Variants in CREB3L2 observed in about 807,000 individuals in gnomAD.
CREB3L2 encodes the protein cAMP responsive element binding protein 3 like 2, also known as cyclic AMP-responsive element-binding protein 3-like protein 2.
In CREB3L2, 23 loss-of-function variants were observed where a neutral mutation model predicts 57.2. The ratio of observed to expected loss-of-function variants is 0.40; its 90% CI spans 0.29 to 0.57. The LOEUF is 0.57. Among genes scored for constraint, CREB3L2 ranks in the 20% least tolerant of loss-of-function variants. The pLI, the probability that CREB3L2 is intolerant of heterozygous loss-of-function variation, is 0.42. For missense variants in CREB3L2, 628 were observed against 634.7 expected (o/e 0.99, Z 0.11); for synonymous variants, 268 against 265.1 (o/e 1.01, Z -0.11).
intron 8 of CREB3L2, among the ~76,000 whole-genome samples, chr7:137,895,133 C>T (rs273937): frequency 0.56 from 85,723 of 152,138 alleles, 27,067 homozygotes; most frequent in Admixed American, 0.69. Context: ...GAGCCACAAA[C>T]GCCTACAACT....
At chr7:137,939,150 A>C (rs1800840684) in intron 1 of CREB3L2, among the ~76,000 whole-genome samples, 2 of 152,240 alleles carry the variant, frequency 1.3e-5, no homozygotes, top group Admixed American at 1.3e-4. Context: ...AACAGGAATA[A>C]AAATAATGCG....
chr7:137,973,329 G>A (rs1163855109), intron 1 of CREB3L2, among the ~76,000 whole-genome samples: 2 of 152,032 alleles, frequency 1.3e-5, no homozygotes, highest in Non-Finnish European at 2.9e-5. Flanking sequence ...CACTCCTGGT[G>A]AGGGTGTGCT....
intron 6 of CREB3L2, among the ~76,000 whole-genome samples, chr7:137,904,849 A>G (rs75704948): frequency 6.8e-5 from 10 of 147,624 alleles, no homozygotes; most frequent in African/African-American, 1.6e-4. Context: ...AAAAAAAAAA[A>G]AAAGAAAGAA....
At chr7:138,000,166 C>T (rs959226679) in intron 1 of CREB3L2, among the ~76,000 whole-genome samples, 5 of 152,158 alleles carry the variant, frequency 3.3e-5, no homozygotes, top group African/African-American at 1.2e-4. Flanking sequence ...ACTGTCACAG[C>T]GAAAGAATAC....
rs34492803 is a variant in CREB3L2, at chr7:137,882,908, TC to T, written c.1271-281del. ...CCCCACTGCTTTGAAAATATAAAAC[TC>T]CCCCCTTACCACCCATAACCATCTA... On this transcript the variant is annotated intron_variant, in intron 10 of 11. Coordinates refer to ENST00000330387, the MANE Select transcript of CREB3L2 (RefSeq NM_194071.4). Among the ~76,000 whole-genome samples the T allele has an allele frequency of 4.7e-3, 715 of 151,258 alleles. 17 individuals carry two copies. In the East Asian group the frequency reaches 0.069, roughly 15 times the overall value.
intron 7 of CREB3L2, among the ~76,000 whole-genome samples, chr7:137,903,427 C>T (rs1054455222): frequency 6.6e-6 from 1 of 151,980 alleles, no homozygotes; most frequent in Non-Finnish European, 1.5e-5. Context: ...CTTTTTCTAA[C>T]AGCCCGCCTG....
intron 1 of CREB3L2, among the ~76,000 whole-genome samples, chr7:137,943,335 A>G (rs1471854793): frequency 2.6e-5 from 4 of 152,142 alleles, no homozygotes; most frequent in Admixed American, 2.0e-4. Context: ...CTGAGATTCT[A>G]TTGGCAAAGA....
intron 1 of CREB3L2, among the ~76,000 whole-genome samples, chr7:137,971,006 TGGC>T (rs1801496152): frequency 1.3e-5 from 2 of 152,182 alleles, no homozygotes; most frequent in African/African-American, 4.8e-5. Context: ...GCTTGGAGAA[TGGC>T]ATGCTTCCAA....
intron 2 of CREB3L2, among the ~76,000 whole-genome samples, chr7:137,926,908 G>C (rs1167335038): frequency 6.6e-6 from 1 of 152,132 alleles, no homozygotes; most frequent in Non-Finnish European, 1.5e-5. Flanking sequence ...TAGCACTTGG[G>C]GACGCTGTGG....
At chr7:137,910,812 G>C (rs530605023) in intron 4 of CREB3L2, among the ~76,000 whole-genome samples, 1 of 152,154 alleles carries the variant, frequency 6.6e-6, no homozygotes. Flanking sequence ...CTACAGAGCT[G>C]GCCAGAGGCA....
chr7:137,929,632 G>A (rs1344625537), intron 1 of CREB3L2, among the ~76,000 whole-genome samples: 2 of 151,642 alleles, frequency 1.3e-5, no homozygotes, highest in Admixed American at 6.6e-5. Flanking sequence ...GGAGGCCAAG[G>A]TGGGCGGATC....
chr7:137,995,262 GA>G (rs1165451806), intron 1 of CREB3L2, among the ~76,000 whole-genome samples: 2 of 150,862 alleles, frequency 1.3e-5, no homozygotes, highest in African/African-American at 4.9e-5. Flanking sequence ...CACATGGGCA[GA>G]ACCAAGGTCC....
At chr7:137,966,113 G>A (rs1450463635) in intron 1 of CREB3L2, among the ~76,000 whole-genome samples, 1 of 152,178 alleles carries the variant, frequency 6.6e-6, no homozygotes, top group Non-Finnish European at 1.5e-5. Flanking sequence ...AACAGAAGTT[G>A]GGAGGGGCAT....
At position 137,875,830 on chromosome 7, in the gene CREB3L2, A is replaced by G. The variant is rs187740174; in HGVS notation, c.*4646T>C. 34 of 224,600 alleles carry G rather than the reference A, an allele frequency of 1.5e-4. No individual in the cohort carries two copies. Among genetic ancestry groups the G allele is most frequent in the Admixed American group, 2.9e-4 (5 of 17,526 alleles). 13.9% of individuals were successfully genotyped at this position (224,600 alleles called of 1,614,324 possible). ...GCACGCAACACCCTAGTAAATGCTC[A>G]AGAAATATTATTTCCCTTCCTTCTA... is the stretch of plus-strand genomic sequence containing the variant. On this transcript the variant is annotated 3_prime_UTR_variant, in exon 12 of 12. Coordinates refer to ENST00000330387, the MANE Select transcript of CREB3L2 (RefSeq NM_194071.4).
At position 137,885,479 on chromosome 7, in the gene CREB3L2, T is replaced by C. The variant is rs775525222; in HGVS notation, c.1067A>G (p.Lys356Arg). The change falls in exon 9 of 12, where the codon AAG becomes AGG. Residue 356 changes from lysine to arginine, a missense_variant. Coordinates refer to ENST00000330387, the MANE Select transcript of CREB3L2 (RefSeq NM_194071.4). ...CTTGCCCATCACCAAAGTCTGAAGC[T>C]TCTGGAGTTGCTGAAGGAGAGTCCT... is the stretch of plus-strand genomic sequence containing the variant. ...TNRTLLQQLQKLQTLVMGKVS... is the reference protein window; with the variant it reads ...TNRTLLQQLQRLQTLVMGKVS... The C allele has an allele frequency of 2.3e-5, 37 of 1,613,962 alleles. No homozygotes were observed. Among genetic ancestry groups the C allele is most frequent in the Non-Finnish European group, 2.9e-5 (34 of 1,179,968 alleles).
chr7:137,948,718 C>T (rs1020845204), intron 1 of CREB3L2, among the ~76,000 whole-genome samples: 8 of 152,148 alleles, frequency 5.3e-5, no homozygotes, highest in African/African-American at 1.9e-4. Flanking sequence ...AGTATTAGCA[C>T]GTAACTGAAG....
intron 1 of CREB3L2, among the ~76,000 whole-genome samples, chr7:137,976,790 T>C (rs905261385): frequency 6.6e-6 from 1 of 152,146 alleles, no homozygotes; most frequent in Non-Finnish European, 1.5e-5. Flanking sequence ...CCCAAGTAAT[T>C]CAAATGTGCA....
intron 8 of CREB3L2, among the ~76,000 whole-genome samples, chr7:137,889,519 A>G (rs1799492547): frequency 1.3e-5 from 2 of 152,264 alleles, no homozygotes; most frequent in Admixed American, 6.5e-5. Context: ...CTTTAAGATG[A>G]GCAAACATGT....
In CREB3L2 at chr7:137,946,868, A is replaced by ATATAGTTATC. The variant is rs1563262297; in HGVS notation, c.103-18503_103-18502insGATAACTATA. Among the ~76,000 whole-genome samples the ATATAGTTATC allele has an allele frequency of 4.4e-4, 25 of 56,472 alleles. 1 individual carries two copies. The highest frequency in any genetic ancestry group is 1.1e-3 in the South Asian group (2 of 1,884). The allele number at this position is 56,472 out of a possible 152,430, so 37.0% of individuals were successfully genotyped here. On this transcript the variant is annotated intron_variant, in intron 1 of 11. Transcript: ENST00000330387. ...TCTATATAGTTATCTATATAGTTAT[A>ATATAGTTATC]TATATAGTTATCTATATAGTTATAT...
Sources: allele counts gnomAD v4.1 joint callset (sites outside exome capture counted in the v4.1 genomes callset), GRCh38; gene constraint gnomAD v4.1.1; transcripts MANE v1.5; gene names NCBI Gene and HGNC (gene_info 2026-07-23, HGNC 2026-07-21).